CNTNAP2: variants seen among roughly 807,000 people sequenced by gnomAD.
CNTNAP2 encodes contactin-associated protein-like 2.
CNTNAP2 carries 98 observed loss-of-function variants against 155.2 expected under a neutral mutation model. The observed-to-expected ratio is 0.63, with a 90% confidence interval of 0.54 to 0.75. The LOEUF (loss-of-function observed/expected upper bound fraction) is 0.75, where lower values mean the gene tolerates loss of function less well. Ranked by LOEUF, CNTNAP2 falls within the 30% of genes least tolerant of loss-of-function variation. CNTNAP2 has a pLI of 0.00. For missense variants in CNTNAP2, 1,727 were observed against 1,688.1 expected, an observed-to-expected ratio of 1.02 and a Z score of -0.40; for synonymous variants, 651 against 631.2, an observed-to-expected ratio of 1.03 and a Z score of -0.47.
intron 13 of CNTNAP2, among the ~76,000 whole-genome samples, chr7:147,831,286 C>T (rs1024941781): frequency 8.5e-5 from 13 of 152,196 alleles, no homozygotes; most frequent in Non-Finnish European, 1.8e-4. Context: ...CCAAGTACGC[C>T]TGTATTCTGA....
chr7:146,136,727 C>T (rs939579537), intron 1 of CNTNAP2, among the ~76,000 whole-genome samples: 5 of 152,014 alleles, frequency 3.3e-5, no homozygotes, highest in African/African-American at 4.8e-5. Flanking sequence ...GTTCTGTAAA[C>T]GCGGAAGCAG....
chr7:147,003,721 A>T (rs1376822816), intron 3 of CNTNAP2, among the ~76,000 whole-genome samples: 1 of 151,958 alleles, frequency 6.6e-6, no homozygotes, highest in African/African-American at 2.4e-5. Context: ...TTTGTTAGGA[A>T]CCGTTTAATG....
chr7:146,777,180 G>C (rs903480173), intron 2 of CNTNAP2, among the ~76,000 whole-genome samples: 10 of 129,056 alleles, frequency 7.7e-5, no homozygotes, highest in African/African-American at 2.9e-4. Context: ...GGGAAAGAAA[G>C]TGTTGTCTGT....
intron 8 of CNTNAP2, among the ~76,000 whole-genome samples, chr7:147,154,065 C>G (rs1414855432): frequency 2.0e-5 from 3 of 151,766 alleles, no homozygotes; most frequent in Non-Finnish European, 4.4e-5. Flanking sequence ...GAAATTACAT[C>G]AAGGAGAAGA....
intron 1 of CNTNAP2, among the ~76,000 whole-genome samples, chr7:146,122,675 T>TTCAC (rs10691069): frequency 6.6e-6 from 1 of 151,846 alleles, no homozygotes; most frequent in African/African-American, 2.4e-5. Flanking sequence ...CATTCATTCA[T>TTCAC]ATTCCTACCC....
chr7:147,477,870 C>T (rs1025904508), intron 10 of CNTNAP2, among the ~76,000 whole-genome samples: 1 of 152,096 alleles, frequency 6.6e-6, no homozygotes, highest in East Asian at 1.9e-4. Flanking sequence ...AAATATAAGT[C>T]GAATGAACAA....
chr7:146,836,352 T>A (rs537155863), intron 2 of CNTNAP2, among the ~76,000 whole-genome samples: 6 of 152,290 alleles, frequency 3.9e-5, no homozygotes, highest in Admixed American at 2.6e-4. Flanking sequence ...GGCCATACTC[T>A]TTTGTGTATG....
chr7:146,359,771 T>C (rs73467813), intron 1 of CNTNAP2, among the ~76,000 whole-genome samples: 4,484 of 148,554 alleles, frequency 0.03, 205 homozygotes, highest in African/African-American at 0.11. Flanking sequence ...AGGAATTCTA[T>C]GTGAATATAT....
At chr7:146,733,555 T>C (rs1252133403) in intron 1 of CNTNAP2, among the ~76,000 whole-genome samples, 3 of 152,108 alleles carry the variant, frequency 2.0e-5, no homozygotes, top group Admixed American at 2.0e-4. Flanking sequence ...ACTAGTACAG[T>C]CTCATATTAT....
At chr7:146,405,532 A>G (rs952555022) in intron 1 of CNTNAP2, among the ~76,000 whole-genome samples, 1 of 152,222 alleles carries the variant, frequency 6.6e-6, no homozygotes, top group African/African-American at 2.4e-5. Flanking sequence ...ATTGAATTTA[A>G]AGATAACTAA....
chr7:147,701,466 T>C (rs1026115631), intron 13 of CNTNAP2, among the ~76,000 whole-genome samples: 2 of 152,174 alleles, frequency 1.3e-5, no homozygotes, highest in Non-Finnish European at 2.9e-5. Context: ...GATATTTCAA[T>C]TTTTTTAGAA....
chr7:147,422,150 G>A (rs919647001), intron 10 of CNTNAP2, among the ~76,000 whole-genome samples: 1 of 146,410 alleles, frequency 6.8e-6, no homozygotes, highest in African/African-American at 2.5e-5. Context: ...TATATAGTAT[G>A]TATATATACA....
intron 14 of CNTNAP2, among the ~76,000 whole-genome samples, chr7:147,949,618 C>T (rs1800889943): frequency 6.6e-6 from 1 of 152,020 alleles, no homozygotes; most frequent in African/African-American, 2.4e-5. Flanking sequence ...TCAAAAGGAA[C>T]CTGGTTATTT....
Position 148,413,392 on chromosome 7 carries a change from C to CAAAAAAAAAAAAAAAAAA in CNTNAP2, c.3797-2015_3797-2014insAAAAAAAAAAAAAAAAAA, listed in dbSNP as rs1184055556. Among the ~76,000 whole-genome samples the CAAAAAAAAAAAAAAAAAA allele has an allele frequency of 2.4e-3, 4 of 1,650 alleles. 1 individual carries two copies. Among genetic ancestry groups the CAAAAAAAAAAAAAAAAAA allele is most frequent in the African/African-American group, 3.4e-3 (3 of 880 alleles). The allele number at this position is 1,650 out of a possible 152,430, so 1.1% of individuals were successfully genotyped here. On this transcript the variant is annotated intron_variant, in intron 23 of 23. Transcript: ENST00000361727. ...GGGCAACAAGAGTGAAACTCCGTCT[C>CAAAAAAAAAAAAAAAAAA]AAAAAAAAAATATATATATATATAT...
At chr7:146,203,434 T>G (rs1409119912) in intron 1 of CNTNAP2, among the ~76,000 whole-genome samples, 2 of 152,130 alleles carry the variant, frequency 1.3e-5, no homozygotes, top group Non-Finnish European at 2.9e-5. Context: ...TTACAATGGA[T>G]ATTGGTGAAC....
intron 3 of CNTNAP2, among the ~76,000 whole-genome samples, chr7:147,039,378 C>T (rs1028929295): frequency 4.6e-5 from 7 of 152,154 alleles, no homozygotes; most frequent in African/African-American, 1.7e-4. Context: ...CCTCCACTCT[C>T]CAGGAGACCC....
At chr7:146,766,615 C>T (rs1802199433) in intron 1 of CNTNAP2, among the ~76,000 whole-genome samples, 1 of 152,148 alleles carries the variant, frequency 6.6e-6, no homozygotes, top group South Asian at 2.1e-4. Context: ...AGATCTGAAG[C>T]CTCCTCATCT....
At chr7:147,137,472 G>A (rs1801508731) in intron 8 of CNTNAP2, among the ~76,000 whole-genome samples, 1 of 151,386 alleles carries the variant, frequency 6.6e-6, no homozygotes, top group Non-Finnish European at 1.5e-5. Context: ...AACATCAATT[G>A]TTCTCAGAAG....
intron 13 of CNTNAP2, among the ~76,000 whole-genome samples, chr7:147,890,047 G>A (rs1799664585): frequency 7.0e-6 from 1 of 142,092 alleles, no homozygotes; most frequent in African/African-American, 2.5e-5. Flanking sequence ...TACAAAAAAA[G>A]CTTAAAGCAA....
Sources: allele counts gnomAD v4.1 joint callset (sites outside exome capture counted in the v4.1 genomes callset), GRCh38; gene constraint gnomAD v4.1.1; transcripts MANE v1.5; gene names NCBI Gene and HGNC (gene_info 2026-07-23, HGNC 2026-07-21).